HNRNPA1: variants seen among roughly 807,000 people sequenced by gnomAD.
HNRNPA1 encodes epididymis secretory sperm binding protein.
HNRNPA1 carries 7 observed loss-of-function variants against 44.4 expected under a neutral mutation model. The ratio of observed to expected loss-of-function variants is 0.16; its 90% CI spans 0.09 to 0.30. The LOEUF is 0.30. Among genes scored for constraint, HNRNPA1 ranks in the 10% least tolerant of loss-of-function variants. The pLI, the probability that HNRNPA1 is intolerant of heterozygous loss-of-function variation, is 1.00. For synonymous variants in HNRNPA1, 169 were observed against 160.6 expected (o/e 1.05, Z -0.40); for missense variants, 193 against 465.8 (o/e 0.41, Z 5.39).
chr12:54,282,911 G>C, intron 7 of HNRNPA1, 37 bp downstream of exon 7: 1 of 1,527,506 alleles, frequency 6.5e-7, no homozygotes, highest in South Asian at 1.2e-5. Flanking sequence ...AAAATTCCTG[G>C]CAACCTGGAT....
chr12:54,283,191 C>T lies in HNRNPA1; in HGVS notation c.864C>T (p.Asp288=). The change falls in exon 8 of 11, where the codon GAC becomes GAT. Residue 288 remains aspartate (D), a synonymous_variant. Transcript: ENST00000340913. ...GSGYGGSGSY[D]SYNNGGGGGF... is the part of the protein sequence containing the mutation. ...GCTATGGCGGGAGTGGCAGCTATGA[C>T]AGCTATAACAACGGAGGCGGAGGCG... The T allele has an allele frequency of 2.5e-6, 4 of 1,608,980 alleles. No individual in the cohort carries two copies. The highest frequency in any genetic ancestry group is 3.4e-6 in the Non-Finnish European group (4 of 1,177,930).
Position 54,284,796 on chromosome 12 carries a change from T to C in HNRNPA1, c.*252T>C. ...AAAGCATTCCAACAAAGGGTTTTAA[T>C]GTAGATTTTTTTTTTTGCACCCCAT... On this transcript the variant is annotated 3_prime_UTR_variant, in exon 11 of 11. Transcript: ENST00000340913. The C allele has an allele frequency of 2.8e-6, 1 of 352,638 alleles. No homozygotes were observed. The highest frequency in any genetic ancestry group is 2.1e-5 in the African/African-American group (1 of 46,920). The allele number at this position is 352,638 out of a possible 1,614,324, so 21.8% of individuals were successfully genotyped here. A position where few individuals can be genotyped will look rare whatever the true frequency, so the allele number is the denominator to read the frequency against.
At chr12:54,284,121 G>T in intron 9 of HNRNPA1, 137 bp from the exon 10 acceptor site, 1 of 1,263,784 alleles carries the variant, frequency 7.9e-7, no homozygotes, top group South Asian at 1.5e-5. Context: ...GAAAAATCAT[G>T]GGACCTCTTT....
chr12:54,286,835 C>T lies in HNRNPA1; in HGVS notation c.*2291C>T, dbSNP rs1944270313. 1 of 152,154 alleles carries T rather than the reference C, an allele frequency of 6.6e-6. No individual in the cohort carries two copies. Among genetic ancestry groups the T allele is most frequent in the Non-Finnish European group, 1.5e-5 (1 of 68,030 alleles). The allele number at this position is 152,154 out of a possible 1,614,324, so 9.4% of individuals were successfully genotyped here. A position where few individuals can be genotyped will look rare whatever the true frequency, so the allele number is the denominator to read the frequency against. ...AACCAAAACACTTCGTAATCTCATCCAATTGCAAAAAGAGTTATTAGCCAA... is the reference window on the plus strand; with the variant it reads ...AACCAAAACACTTCGTAATCTCATCTAATTGCAAAAAGAGTTATTAGCCAA... On this transcript the variant is annotated 3_prime_UTR_variant, in exon 11 of 11. Transcript: ENST00000340913.
intron 4 of HNRNPA1, 21 bp from the exon 5 acceptor site, chr12:54,282,373 G>A (rs1472490247): frequency 2.5e-6 from 4 of 1,609,596 alleles, no homozygotes; most frequent in East Asian, 4.5e-5. Context: ...ATACCATGTT[G>A]TATCTATGTT....
rs1188065812 is a variant in HNRNPA1 at position 54,285,047 on chromosome 12, A to G, written c.*503A>G. 1.1e-5 allele frequency: 2 copies of G among 185,836 alleles called. No individual in the cohort carries two copies. The highest frequency in any genetic ancestry group is 4.8e-5 in the African/African-American group (2 of 41,948). 11.5% of individuals were successfully genotyped at this position (185,836 alleles called of 1,614,324 possible). On this transcript the variant is annotated 3_prime_UTR_variant, in exon 11 of 11. Coordinates refer to ENST00000340913, the MANE Select transcript of HNRNPA1 (RefSeq NM_031157.4). ...CGGAAACCTTGGTGTAGTTGAACTG[A>G]TAGTTACTGTTGTGACCTGAAGTTC...
rs905335524 is a variant in HNRNPA1, at chr12:54,283,751, C to G, written c.908-61C>G. Reference sequence around the variant, plus strand: ...ACCTTATTTTATTCTGACTGCTAAACAGAATTGGAAACTAACATCATCCTC... The same window carrying G: ...ACCTTATTTTATTCTGACTGCTAAAGAGAATTGGAAACTAACATCATCCTC... On this transcript the variant is annotated intron_variant, in intron 8 of 10. Transcript: ENST00000340913. 8.6e-6 allele frequency: 13 copies of G among 1,519,794 alleles called. No individual in the cohort carries two copies. In the African/African-American group the frequency reaches 9.6e-5, roughly 11 times the overall value. The allele number at this position is 1,519,794 out of a possible 1,614,324, so 94.1% of individuals were successfully genotyped here.
At position 54,280,757 on chromosome 12, in the gene HNRNPA1, C is replaced by A; in HGVS notation, c.-51C>A. ...GTTCGTCAGCTTGCTCCTTTCTGCC[C>A]GTGGACGCCGCCGAAGAAGCATCGT... On this transcript the variant is annotated 5_prime_UTR_variant, in exon 1 of 11. Transcript: ENST00000340913. The A allele has an allele frequency of 1.2e-6, 2 of 1,611,826 alleles. No homozygotes were observed. The highest frequency in any genetic ancestry group is 1.1e-5 in the South Asian group (1 of 91,020).
rs768930793 is a variant in HNRNPA1 at position 54,280,770 on chromosome 12, G to A, written c.-38G>A. On this transcript the variant is annotated 5_prime_UTR_variant, in exon 1 of 11. Coordinates refer to ENST00000340913, the MANE Select transcript of HNRNPA1 (RefSeq NM_031157.4). ...CTCCTTTCTGCCCGTGGACGCCGCCGAAGAAGCATCGTTAAAGTCTCTCTT... is the reference window on the plus strand; with the variant it reads ...CTCCTTTCTGCCCGTGGACGCCGCCAAAGAAGCATCGTTAAAGTCTCTCTT... 5 of 1,613,980 alleles carry A rather than the reference G, an allele frequency of 3.1e-6. No individual in the cohort carries two copies. The Admixed American group carries it at 5.0e-5, about 16-fold the overall frequency.
chr12:54,281,144 C>T (rs998342388), intron 1 of HNRNPA1: 4 of 700,072 alleles, frequency 5.7e-6, no homozygotes, highest in African/African-American at 5.2e-5. Flanking sequence ...AGATGCACCC[C>T]TACCGCCCAA....
At chr12:54,282,326 T>C (rs2137042469) in intron 4 of HNRNPA1, 26 bp downstream of exon 4, 1 of 1,611,742 alleles carries the variant, frequency 6.2e-7, no homozygotes, top group South Asian at 1.1e-5. Context: ...TGGCATTTAG[T>C]AAGGGTTCCA....
intron 8 of HNRNPA1, 90 bp from the exon 9 acceptor site, chr12:54,283,722 C>A: frequency 1.6e-6 from 2 of 1,289,214 alleles, no homozygotes; most frequent in Non-Finnish European, 2.3e-6. Flanking sequence ...AGGCTGATAA[C>A]TCAACCTTAT....
At chr12:54,284,518 A>AT in intron 10 of HNRNPA1, 31 bp from the exon 11 acceptor site, 1 of 716,640 alleles carries the variant, frequency 1.4e-6, no homozygotes, top group Non-Finnish European at 2.5e-6. Context: ...ATATGTTTAG[A>AT]TTAACAACTT....
At chr12:54,284,435 T>C (rs1234236423) in intron 10 of HNRNPA1, 114 bp from the exon 11 acceptor site, 2 of 989,854 alleles carry the variant, frequency 2.0e-6, no homozygotes, top group Non-Finnish European at 3.2e-6. Context: ...TAATTGTGGA[T>C]ATAAAGTTAA....
rs746751721 is a variant in HNRNPA1, at chr12:54,280,803, C to T, written c.-5C>T. 8 of 1,614,032 alleles carry T rather than the reference C, an allele frequency of 5.0e-6. No homozygotes were observed. In the East Asian group the frequency reaches 1.3e-4, roughly 27 times the overall value. On this transcript the variant is annotated 5_prime_UTR_variant, in exon 1 of 11. Coordinates refer to ENST00000340913, the MANE Select transcript of HNRNPA1 (RefSeq NM_031157.4). The stretch of plus-strand genomic sequence containing the variant: ...ATCGTTAAAGTCTCTCTTCACCCTG[C>T]CGTCATGTCTAAGTCAGAGGTGAGT...
intron 9 of HNRNPA1, 142 bp downstream of exon 9, chr12:54,284,109 T>G (rs1381767234): frequency 1.5e-6 from 2 of 1,302,318 alleles, no homozygotes; most frequent in African/African-American, 1.5e-5. Flanking sequence ...GATCACAAAT[T>G]AGAAAAATCA....
At position 54,282,308 on chromosome 12, in the gene HNRNPA1, T is replaced by C. The variant is rs1273638393; in HGVS notation, c.490+8T>C. 6.2e-7 allele frequency: 1 copy of C among 1,613,522 alleles called. No individual in the cohort carries two copies. Among genetic ancestry groups the C allele is most frequent in the Non-Finnish European group, 8.5e-7 (1 of 1,179,660 alleles). ...CCGTGGATAAGATTGTCAGTAAGTA[T>C]CAGATAGTGGCATTTAGTAAGGGTT... On this transcript the variant is annotated splice_region_variant and intron_variant, in intron 4 of 10. Transcript: ENST00000340913.
chr12:54,283,459 G>GA (rs1944212180), intron 8 of HNRNPA1, among the ~76,000 whole-genome samples: 1 of 152,158 alleles, frequency 6.6e-6, no homozygotes, highest in African/African-American at 2.4e-5. Context: ...ATCATAGAAG[G>GA]ATTTAGTATT....
intron 9 of HNRNPA1, 121 bp downstream of exon 9, chr12:54,284,088 AGT>A (rs769543439): frequency 1.7e-4 from 222 of 1,344,752 alleles, no homozygotes; most frequent in Non-Finnish European, 2.0e-4. Flanking sequence ...ACCTTCAGAA[AGT>A]GATAATTTGA....
Sources: gnomAD v4.1 joint callset for allele counts (sites outside exome capture counted in the v4.1 genomes callset) on GRCh38, gnomAD v4.1.1 for gene constraint, MANE v1.5 for transcripts, NCBI Gene and HGNC (gene_info 2026-07-23, HGNC 2026-07-21) for gene names.